The following TAFA4 variants were observed in gnomAD, a reference collection of about 807,000 sequenced individuals.
The protein encoded by TAFA4 is chemokine-like protein TAFA-4.
In TAFA4, 20 loss-of-function variants were observed where a neutral mutation model predicts 21.1. The observed-to-expected ratio is 0.95, with a 90% CI of 0.67 to 1.38. TAFA4 has a LOEUF of 1.38. Ranked by LOEUF, TAFA4 falls within the 40% of genes most tolerant of loss-of-function variation. The pLI, the probability that TAFA4 is intolerant of heterozygous loss-of-function variation, is 0.00. For synonymous variants in TAFA4, 71 were observed against 67.4 expected, an observed-to-expected ratio of 1.05 and a Z score of -0.26; for missense variants, 211 against 180.9, an observed-to-expected ratio of 1.17 and a Z score of -0.95.
chr3:68,787,719 C>G (rs1703286948), intron 3 of TAFA4, among the ~76,000 whole-genome samples: 1 of 152,114 alleles, frequency 6.6e-6, no homozygotes, highest in Non-Finnish European at 1.5e-5. Flanking sequence ...CTGACTGCAT[C>G]AAATTAAACA....
chr3:68,849,161 T>C (rs1020988277), intron 3 of TAFA4, among the ~76,000 whole-genome samples: 28 of 152,348 alleles, frequency 1.8e-4, no homozygotes, highest in African/African-American at 6.3e-4. Context: ...TTCCTTCTTC[T>C]CAGATCTCTT....
At chr3:68,839,713 A>C (rs1217142537) in intron 3 of TAFA4, among the ~76,000 whole-genome samples, 1 of 152,196 alleles carries the variant, frequency 6.6e-6, no homozygotes, top group Non-Finnish European at 1.5e-5. Flanking sequence ...AGAGGAGTTA[A>C]CTTTGAGATG....
At chr3:68,931,306 C>T (rs1297763771) in intron 1 of TAFA4, among the ~76,000 whole-genome samples, 1 of 151,992 alleles carries the variant, frequency 6.6e-6, no homozygotes, top group Non-Finnish European at 1.5e-5. Context: ...GGGGGATGGG[C>T]ACCAGGCTAG....
chr3:68,791,427 T>A (rs959206658), intron 3 of TAFA4, among the ~76,000 whole-genome samples: 1 of 152,074 alleles, frequency 6.6e-6, no homozygotes, highest in African/African-American at 2.4e-5. Flanking sequence ...GCAAAAAGGA[T>A]CCTCCTCTAA....
chr3:68,873,068 C>T (rs1331867488), intron 3 of TAFA4, among the ~76,000 whole-genome samples: 2 of 151,940 alleles, frequency 1.3e-5, no homozygotes, highest in Admixed American at 6.6e-5. Context: ...TTTCATCACA[C>T]ATTCCATTAC....
intron 3 of TAFA4, among the ~76,000 whole-genome samples, chr3:68,770,829 G>A (rs1026020196): frequency 1.3e-5 from 2 of 152,186 alleles, no homozygotes; most frequent in Non-Finnish European, 2.9e-5. Flanking sequence ...TCGGGCCTGT[G>A]CCCATGGACC....
chr3:68,881,948 C>A (rs1301270182), intron 2 of TAFA4, among the ~76,000 whole-genome samples: 1 of 152,192 alleles, frequency 6.6e-6, no homozygotes, highest in Admixed American at 6.5e-5. Flanking sequence ...CCACACCATA[C>A]GCCGAGGCAC....
At chr3:68,764,352 A>G (rs1260161880) in intron 3 of TAFA4, among the ~76,000 whole-genome samples, 1 of 152,158 alleles carries the variant, frequency 6.6e-6, no homozygotes, top group African/African-American at 2.4e-5. Flanking sequence ...AACTTCTTGA[A>G]GTTGTCAGAC....
At chr3:68,774,962 T>A (rs1703023202) in intron 3 of TAFA4, among the ~76,000 whole-genome samples, 1 of 152,170 alleles carries the variant, frequency 6.6e-6, no homozygotes, top group Admixed American at 6.5e-5. Flanking sequence ...GCTATTCCCA[T>A]CATAACAACA....
chr3:68,873,627 A>C (rs1315025435), intron 3 of TAFA4, among the ~76,000 whole-genome samples: 1 of 152,152 alleles, frequency 6.6e-6, no homozygotes, highest in Non-Finnish European at 1.5e-5. Context: ...ACCACAGGAC[A>C]CTTGCAGGGA....
chr3:68,776,967 A>C (rs1314668056), intron 3 of TAFA4, among the ~76,000 whole-genome samples: 10 of 152,136 alleles, frequency 6.6e-5, no homozygotes. Context: ...TTTAAAAGAC[A>C]AAATGAAAAC....
At chr3:68,807,541 T>C (rs978948172) in intron 3 of TAFA4, among the ~76,000 whole-genome samples, 1 of 151,186 alleles carries the variant, frequency 6.6e-6, no homozygotes, top group Non-Finnish European at 1.5e-5. Context: ...TGAAGAATCA[T>C]CCCAAAATCT....
At chr3:68,797,706 C>G (rs1254660220) in intron 3 of TAFA4, among the ~76,000 whole-genome samples, 1 of 150,342 alleles carries the variant, frequency 6.7e-6, no homozygotes, top group Non-Finnish European at 1.5e-5. Flanking sequence ...AAGCTGGTCA[C>G]AAAAAGAAAA....
intron 3 of TAFA4, among the ~76,000 whole-genome samples, chr3:68,789,271 T>G (rs779054712): frequency 6.6e-6 from 1 of 152,026 alleles, no homozygotes; most frequent in Non-Finnish European, 1.5e-5. Flanking sequence ...TGGAGTTGAG[T>G]TGATTTTTGT....
chr3:68,809,150 T>A (rs4855517), intron 3 of TAFA4, among the ~76,000 whole-genome samples: 100,101 of 152,078 alleles, frequency 0.66, 33,450 homozygotes, highest in East Asian at 0.98. Context: ...GAATGCCCTT[T>A]TACCCTAGAA....
chr3:68,921,139 C>A (rs2090057494), intron 1 of TAFA4, among the ~76,000 whole-genome samples: 1 of 152,078 alleles, frequency 6.6e-6, no homozygotes. Context: ...TTAGTACAAA[C>A]CTAGTCGCAC....
chr3:68,922,413 G>A (rs962364957), intron 1 of TAFA4, among the ~76,000 whole-genome samples: 2 of 152,232 alleles, frequency 1.3e-5, no homozygotes, highest in Middle Eastern at 3.4e-3. Flanking sequence ...AAACAAGATC[G>A]ATCATGTAAA....
chr3:68,768,286 T>C (rs1223806601), intron 3 of TAFA4, among the ~76,000 whole-genome samples: 4 of 151,954 alleles, frequency 2.6e-5, no homozygotes, highest in African/African-American at 9.7e-5. Context: ...CATTGAAAAA[T>C]GGGCAAAAGA....
intron 3 of TAFA4, among the ~76,000 whole-genome samples, chr3:68,766,107 A>G (rs1206607524): frequency 6.6e-6 from 1 of 152,170 alleles, no homozygotes; most frequent in Non-Finnish European, 1.5e-5. Flanking sequence ...AAAGCACCTA[A>G]ACATACCAAT....
Sources: allele counts gnomAD v4.1 joint callset (sites outside exome capture counted in the v4.1 genomes callset), GRCh38; gene constraint gnomAD v4.1.1; transcripts MANE v1.5; gene names NCBI Gene and HGNC (gene_info 2026-07-23, HGNC 2026-07-21).